Variants in SCAPER observed in about 807,000 individuals in gnomAD.
SCAPER encodes S phase cyclin A-associated protein in the endoplasmic reticulum.
SCAPER carries 98 observed loss-of-function variants against 182.2 expected under a neutral mutation model. That is an observed-to-expected ratio of 0.54 (90% CI 0.46 to 0.64). The LOEUF (loss-of-function observed/expected upper bound fraction) is 0.64. SCAPER is among the 30% of genes least tolerant of loss of function. SCAPER has a pLI of 0.00. For missense variants in SCAPER, 1,432 were observed against 1,690.0 expected (o/e 0.85, Z 2.68); for synonymous variants, 605 against 564.6 (o/e 1.07, Z -1.01).
intron 8 of SCAPER, among the ~76,000 whole-genome samples, chr15:76,775,784 A>C (rs1488210327): frequency 6.6e-6 from 1 of 152,162 alleles, no homozygotes; most frequent in Non-Finnish European, 1.5e-5. Context: ...ATATACATGG[A>C]AACTAAGGGC....
At chr15:76,443,366 C>A (rs907834053) in intron 25 of SCAPER, among the ~76,000 whole-genome samples, 2 of 152,158 alleles carry the variant, frequency 1.3e-5, no homozygotes, top group Admixed American at 1.3e-4. Flanking sequence ...AAGAGCAAGA[C>A]GAATTCTGCT....
intron 17 of SCAPER, among the ~76,000 whole-genome samples, chr15:76,728,188 G>A: frequency 1.3e-5 from 2 of 149,920 alleles, no homozygotes; most frequent in African/African-American, 2.5e-5. Flanking sequence ...TAATCAGAGT[G>A]GCAACATGCT....
intron 25 of SCAPER, among the ~76,000 whole-genome samples, chr15:76,456,690 G>A (rs2048761342): frequency 6.6e-6 from 1 of 152,132 alleles, no homozygotes; most frequent in East Asian, 1.9e-4. Context: ...GCTGAAAGAG[G>A]TCTGTTAAAA....
At chr15:76,622,604 T>C (rs1269755214) in intron 21 of SCAPER, among the ~76,000 whole-genome samples, 1 of 152,180 alleles carries the variant, frequency 6.6e-6, no homozygotes, top group Non-Finnish European at 1.5e-5. Context: ...ATTAAGATTT[T>C]TATAAATATA....
At chr15:76,434,355 C>A (rs1347477553) in intron 25 of SCAPER, 45 bp from the exon 26 acceptor site, 2 of 1,316,192 alleles carry the variant, frequency 1.5e-6, no homozygotes, top group South Asian at 1.3e-5. Context: ...ATAAAACCAC[C>A]AAAAATGGGC....
chr15:76,471,451 A>C, intron 24 of SCAPER, 116 bp from the exon 25 acceptor site: 1 of 1,193,056 alleles, frequency 8.4e-7, no homozygotes, highest in East Asian at 2.9e-5. Context: ...AAGTCACTCT[A>C]AAAACCAAGC....
At chr15:76,674,046 G>C (rs1414973372) in intron 20 of SCAPER, among the ~76,000 whole-genome samples, 1 of 150,712 alleles carries the variant, frequency 6.6e-6, no homozygotes, top group Non-Finnish European at 1.5e-5. Context: ...CTTGAAAACT[G>C]GTAAATAATA....
chr15:76,654,246 C>A (rs866850687), intron 21 of SCAPER, among the ~76,000 whole-genome samples: 32 of 151,900 alleles, frequency 2.1e-4, no homozygotes, highest in Admixed American at 2.6e-4. Flanking sequence ...ACTAAAACTA[C>A]GAAAACAAAA....
rs374954048 is a variant in SCAPER at position 76,617,729 on chromosome 15, A to C, written c.2711+4035T>G. Among the ~76,000 whole-genome samples, 24 of 152,306 alleles carry C rather than the reference A, an allele frequency of 1.6e-4. No homozygotes were observed. In the East Asian group the frequency reaches 2.5e-3, roughly 16 times the overall value. On this transcript the variant is annotated intron_variant, in intron 22 of 31. Coordinates refer to ENST00000563290, the MANE Select transcript of SCAPER (RefSeq NM_020843.4). Reference sequence around the variant, plus strand: ...TAGACCCGTGAGGCTAAGGCTTGGAAGTCACATATCACTTCTACAGCTTTC... The same window carrying C: ...TAGACCCGTGAGGCTAAGGCTTGGACGTCACATATCACTTCTACAGCTTTC...
At chr15:76,727,324 T>C (rs575358550) in intron 17 of SCAPER, among the ~76,000 whole-genome samples, 17 of 152,018 alleles carry the variant, frequency 1.1e-4, no homozygotes, top group Non-Finnish European at 2.4e-4. Flanking sequence ...TAATAAAAAA[T>C]AAGGTGAAGG....
At chr15:76,545,224 T>A (rs1035870159) in intron 23 of SCAPER, among the ~76,000 whole-genome samples, 1 of 152,158 alleles carries the variant, frequency 6.6e-6, no homozygotes, top group Admixed American at 6.6e-5. Flanking sequence ...TTGTGGGCAA[T>A]GGCAACAACC....
chr15:76,523,256 T>C (rs184256052), intron 23 of SCAPER, among the ~76,000 whole-genome samples: 1,627 of 152,176 alleles, frequency 0.011, 38 homozygotes, highest in African/African-American at 0.037. Context: ...AAATAATAGA[T>C]GAGAAATATA....
At chr15:76,505,346 T>C (rs939633693) in intron 23 of SCAPER, among the ~76,000 whole-genome samples, 2 of 152,062 alleles carry the variant, frequency 1.3e-5, no homozygotes, top group African/African-American at 4.8e-5. Flanking sequence ...AAACTATCTA[T>C]CTGACAAGGG....
At chr15:76,874,895 C>G in intron 2 of SCAPER, among the ~76,000 whole-genome samples, 1 of 152,014 alleles carries the variant, frequency 6.6e-6, no homozygotes, top group South Asian at 2.1e-4. Context: ...CCCAGGAGTT[C>G]AAGGTTTCAG....
intron 2 of SCAPER, among the ~76,000 whole-genome samples, chr15:76,883,610 A>G (rs2073692147): frequency 6.6e-6 from 1 of 152,212 alleles, no homozygotes; most frequent in Admixed American, 6.5e-5. Context: ...TAAGTGTTAG[A>G]GGCAAGCCTG....
Position 76,480,650 on chromosome 15 carries a change from C to A in SCAPER, c.2955-9315G>T, listed in dbSNP as rs570524940. Among the ~76,000 whole-genome samples, 6 of 152,344 alleles carry A rather than the reference C, an allele frequency of 3.9e-5. No homozygotes were observed. The East Asian group carries it at 9.6e-4, about 24-fold the overall frequency. On this transcript the variant is annotated intron_variant, in intron 24 of 31. Coordinates refer to ENST00000563290, the MANE Select transcript of SCAPER (RefSeq NM_020843.4). The stretch of plus-strand genomic sequence containing the variant: ...AGCACAAGGATGTCCAATGAAGGGA[C>A]AACTGTCTTCCTTGTTTAAAACATA...
At chr15:76,675,990 A>C (rs1279690748) in intron 20 of SCAPER, among the ~76,000 whole-genome samples, 1 of 151,912 alleles carries the variant, frequency 6.6e-6, no homozygotes, top group African/African-American at 2.4e-5. Flanking sequence ...ATGCCTGGCT[A>C]ATTTTTGTAT....
intron 25 of SCAPER, among the ~76,000 whole-genome samples, chr15:76,467,497 G>C (rs1243054483): frequency 6.6e-6 from 1 of 150,554 alleles, no homozygotes. Flanking sequence ...CTGCAGTGCA[G>C]TGGCACAATC....
At chr15:76,535,350 T>A (rs284883) in intron 23 of SCAPER, among the ~76,000 whole-genome samples, 6 of 151,032 alleles carry the variant, frequency 4.0e-5, no homozygotes, top group South Asian at 2.1e-4. Flanking sequence ...GGTGAGACCC[T>A]GTCTCTACTA....
Sources: allele counts gnomAD v4.1 joint callset (sites outside exome capture counted in the v4.1 genomes callset), GRCh38; gene constraint gnomAD v4.1.1; transcripts MANE v1.5; gene names NCBI Gene and HGNC (gene_info 2026-07-23, HGNC 2026-07-21).